The following EXOC4 variants were observed in gnomAD, a reference collection of about 807,000 sequenced individuals.
EXOC4 encodes exocyst complex component 4, also known as SEC8-like 1.
EXOC4 carries 71 observed loss-of-function variants against 107.2 expected under a neutral mutation model. That is an observed-to-expected ratio of 0.66 (90% CI 0.55 to 0.81). The LOEUF is 0.81. Ranked by LOEUF, EXOC4 falls within the 30% of genes least tolerant of loss-of-function variation. The probability of loss-of-function intolerance (pLI) is 0.00; values close to 1 mark genes in which losing one functional copy is unlikely to be tolerated. For synonymous variants in EXOC4, 456 were observed against 441.2 expected, an observed-to-expected ratio of 1.03 and a Z score of -0.42; for missense variants, 1,108 against 1,189.6, an observed-to-expected ratio of 0.93 and a Z score of 1.01.
chr7:133,754,260 T>C (rs964471830), intron 10 of EXOC4, among the ~76,000 whole-genome samples: 3 of 152,234 alleles, frequency 2.0e-5, no homozygotes, highest in African/African-American at 4.8e-5. Context: ...AGTGCCTTTC[T>C]CTGAGCTAGA....
chr7:133,415,938 T>C (rs1421229286), intron 7 of EXOC4, among the ~76,000 whole-genome samples: 1 of 152,134 alleles, frequency 6.6e-6, no homozygotes, highest in Non-Finnish European at 1.5e-5. Context: ...AAGTAAAATT[T>C]GGTCATAAAA....
intron 9 of EXOC4, among the ~76,000 whole-genome samples, chr7:133,550,278 T>C (rs1800560145): frequency 6.6e-6 from 1 of 152,192 alleles, no homozygotes; most frequent in Non-Finnish European, 1.5e-5. Context: ...AAGTACATAG[T>C]AGGTACCTTC....
At chr7:134,019,415 G>GTGATGATGATGATGATGATGATGA (rs149056095) in intron 17 of EXOC4, among the ~76,000 whole-genome samples, 6 of 148,646 alleles carry the variant, frequency 4.0e-5, no homozygotes, top group Admixed American at 3.4e-4. Flanking sequence ...CTTTCTCTCA[G>GTGATGATGATGATGATGATGATGA]TGATGATGAT....
At chr7:133,443,137 G>A (rs1264755716) in intron 7 of EXOC4, among the ~76,000 whole-genome samples, 3 of 152,200 alleles carry the variant, frequency 2.0e-5, no homozygotes, top group Non-Finnish European at 4.4e-5. Flanking sequence ...TGTTATAGCT[G>A]CTTTTTCTTC....
At chr7:133,260,335 A>C (rs1203222039) in intron 1 of EXOC4, among the ~76,000 whole-genome samples, 1 of 150,202 alleles carries the variant, frequency 6.7e-6, no homozygotes, top group African/African-American at 2.5e-5. Flanking sequence ...GTGCAATGGC[A>C]CCATCTTGGC....
At chr7:133,326,272 G>T (rs990180177) in intron 5 of EXOC4, among the ~76,000 whole-genome samples, 10 of 152,188 alleles carry the variant, frequency 6.6e-5, no homozygotes, top group Non-Finnish European at 1.5e-4. Flanking sequence ...TCCTTTGGAG[G>T]GGGAGAGGCG....
intron 7 of EXOC4, among the ~76,000 whole-genome samples, chr7:133,468,331 C>T (rs1798782786): frequency 6.9e-6 from 1 of 145,230 alleles, no homozygotes. Flanking sequence ...AGAATTTTTC[C>T]TTTCCTTTCC....
intron 10 of EXOC4, among the ~76,000 whole-genome samples, chr7:133,745,065 T>G (rs528890632): frequency 5.3e-5 from 8 of 152,292 alleles, no homozygotes; most frequent in African/African-American, 1.7e-4. Flanking sequence ...AAAGTTCACT[T>G]TTTCTCCCCT....
In EXOC4 at chr7:133,869,513, C is replaced by T. The variant is rs114855687; in HGVS notation, c.1735-26086C>T. On this transcript the variant is annotated intron_variant, in intron 11 of 17. Transcript: ENST00000253861. ...GAGGTATTTAATAAAAATTAGTCTC[C>T]TGCCCTTTCTATCCACACATCTCCA... Among the ~76,000 whole-genome samples, 365 of 152,286 alleles carry T rather than the reference C, an allele frequency of 2.4e-3. 5 individuals are homozygous for T. Among genetic ancestry groups the T allele is most frequent in the African/African-American group, 8.2e-3 (341 of 41,556 alleles).
intron 3 of EXOC4, among the ~76,000 whole-genome samples, chr7:133,302,969 C>T (rs535639396): frequency 2.6e-5 from 4 of 152,108 alleles, no homozygotes; most frequent in African/African-American, 4.8e-5. Context: ...TAAATACAGA[C>T]GATTATTTTA....
chr7:133,834,350 C>T (rs906072158), intron 11 of EXOC4, among the ~76,000 whole-genome samples: 1 of 152,194 alleles, frequency 6.6e-6, no homozygotes, highest in African/African-American at 2.4e-5. Context: ...TTCCTCTCCA[C>T]TTCCTTTTAA....
intron 10 of EXOC4, among the ~76,000 whole-genome samples, chr7:133,652,880 A>G (rs1276145984): frequency 2.6e-5 from 4 of 152,248 alleles, no homozygotes; most frequent in Non-Finnish European, 4.4e-5. Context: ...ACCACGTGCT[A>G]TATTAAAGTA....
intron 10 of EXOC4, among the ~76,000 whole-genome samples, chr7:133,752,161 T>C (rs1795808027): frequency 6.6e-6 from 1 of 152,122 alleles, no homozygotes; most frequent in South Asian, 2.1e-4. Context: ...ACCCTTTCTC[T>C]TAAACAAACA....
At chr7:133,630,003 G>A in intron 9 of EXOC4, 42 bp from the exon 10 acceptor site, 3 of 1,444,790 alleles carry the variant, frequency 2.1e-6, no homozygotes, top group Non-Finnish European at 2.9e-6. Context: ...ATTTATAAAA[G>A]TTTCAATGAG....
In EXOC4 at chr7:133,698,128, TA is replaced by T. The variant is rs900669199; in HGVS notation, c.1514+67988del. Among the ~76,000 whole-genome samples the T allele has an allele frequency of 3.4e-3, 519 of 152,096 alleles. 3 individuals are homozygous for T. Among genetic ancestry groups the T allele is most frequent in the African/African-American group, 0.012 (501 of 41,462 alleles). ...ATGTAAATAATTTATGAAAAAAAAT[TA>T]TGTTGATTTATGTGTGTGACCTTGG... is the stretch of plus-strand genomic sequence containing the variant. On this transcript the variant is annotated intron_variant, in intron 10 of 17. Transcript: ENST00000253861.
chr7:133,298,357 G>A (rs1368221706), intron 3 of EXOC4, among the ~76,000 whole-genome samples: 1 of 152,140 alleles, frequency 6.6e-6, no homozygotes, highest in Admixed American at 6.5e-5. Context: ...GTGATTCTGA[G>A]ACCTCCTTTG....
At chr7:133,923,153 A>T (rs1799976817) in intron 13 of EXOC4, among the ~76,000 whole-genome samples, 1 of 141,224 alleles carries the variant, frequency 7.1e-6, no homozygotes, top group Non-Finnish European at 1.5e-5. Flanking sequence ...TTTTTGAGAC[A>T]GAGTTTCGCC....
intron 10 of EXOC4, among the ~76,000 whole-genome samples, chr7:133,743,038 A>C (rs944003591): frequency 2.0e-5 from 3 of 152,192 alleles, no homozygotes; most frequent in African/African-American, 7.2e-5. Context: ...TGTACTGTAC[A>C]TGTGTGCTTC....
At chr7:133,584,530 A>G (rs909487929) in intron 9 of EXOC4, among the ~76,000 whole-genome samples, 6 of 120,878 alleles carry the variant, frequency 5.0e-5, no homozygotes, top group Admixed American at 4.1e-4. Flanking sequence ...ATTTTTTCCC[A>G]CTTGTGTCAC....
Sources: gnomAD v4.1 joint callset for allele counts (sites outside exome capture counted in the v4.1 genomes callset) on GRCh38, gnomAD v4.1.1 for gene constraint, MANE v1.5 for transcripts, NCBI Gene and HGNC (gene_info 2026-07-23, HGNC 2026-07-21) for gene names.